Variants in MUC5B observed in about 807,000 individuals in gnomAD.
MUC5B encodes mucin 5B, oligomeric mucus/gel-forming.
Under a neutral mutation model 376.9 loss-of-function variants are expected in MUC5B, and 116 were observed. The observed-to-expected ratio is 0.31, with a 90% CI of 0.26 to 0.36. MUC5B has a LOEUF of 0.36. MUC5B is among the 10% of genes least tolerant of loss of function. The pLI, the probability that MUC5B is intolerant of heterozygous loss-of-function variation, is 1.00. For missense variants in MUC5B, 7,165 were observed against 7,769.9 expected (o/e 0.92, Z 2.93); for synonymous variants, 3,517 against 3,390.9 (o/e 1.04, Z -1.29).
chr11:1,242,567 C>T lies in MUC5B; in HGVS notation c.5687C>T (p.Thr1896Met), dbSNP rs147103997. 3.8e-5 allele frequency: 61 copies of T among 1,613,688 alleles called. No homozygotes were observed. In the African/African-American group the frequency reaches 4.9e-4, roughly 13 times the overall value. The change falls in exon 31 of 49, where the codon ACG (threonine) becomes ATG (methionine). Residue 1896 changes from threonine (T) to methionine (M), a missense_variant. This residue lies in a region of MUC5B where 897 missense variants were observed against 779.6 expected (regional missense o/e 1.15). Transcript: ENST00000529681. ...ACCCCAGCCACCAGCTCCACGGCCA[C>T]GCCCTCCTCAACTCCGGGGACGACC... ...PSTPATSSTA[T>M]PSSTPGTTWI...
Position 1,229,255 on chromosome 11 carries a change from C to A in MUC5B, c.1062C>A (p.Leu354=). 1 of 1,591,850 alleles carries A rather than the reference C, an allele frequency of 6.3e-7. No homozygotes were observed. Residue 354 remains leucine (L), a synonymous_variant, in exon 9 of 49, where the codon CTC becomes CTA. Transcript: ENST00000529681. The part of the protein sequence containing the change: ...DTCSNPQRAQ[L]CEDHCVDGCF... ...GCTCCAACCCCCAGCGCGCGCAGCT[C>A]TGCGAGGACCACTGTGTGGACGGCT...
At position 1,241,868 on chromosome 11, in the gene MUC5B, C is replaced by T. The variant is rs1028086344; in HGVS notation, c.4988C>T (p.Thr1663Ile). ...LSEGLTSPRY[T>I]STLGTATTGG... ...GAAGGACTGACATCCCCCAGATACA[C>T]AAGCACCCTTGGTACAGCCACCACG... The change falls in exon 31 of 49, where the codon ACA (threonine) becomes ATA (isoleucine). Residue 1663 changes from threonine to isoleucine, a missense_variant. Thr to Ile is a moderately conservative substitution (Grantham distance 89, BLOSUM62 -1). This residue lies in a region of MUC5B where 897 missense variants were observed against 779.6 expected (regional missense o/e 1.15). Transcript: ENST00000529681. 7 of 1,613,256 alleles carry T rather than the reference C, an allele frequency of 4.3e-6. No homozygotes were observed. The highest frequency in any genetic ancestry group is 5.9e-6 in the Non-Finnish European group (7 of 1,179,672).
At position 1,239,929 on chromosome 11, in the gene MUC5B, G is replaced by A; in HGVS notation, c.3714G>A (p.Glu1238=). 4 of 1,613,248 alleles carry A rather than the reference G, an allele frequency of 2.5e-6. No homozygotes were observed. The South Asian group carries it at 4.4e-5, about 18-fold the overall frequency. ...YDVGARVPTA[E]NCQSCNCTPS... Reference sequence around the variant, plus strand: ...TCGGTGCAAGGGTCCCCACAGCGGAGAACTGCCAGAGCTGGTGAGGGGGTG... The same window carrying A: ...TCGGTGCAAGGGTCCCCACAGCGGAAAACTGCCAGAGCTGGTGAGGGGGTG... Residue 1238 remains glutamate, a synonymous_variant, in exon 28 of 49, where the codon GAG becomes GAA. Transcript: ENST00000529681.
At chr11:1,226,995 A>G (rs1429217751) in intron 4 of MUC5B, 36 bp from the exon 5 acceptor site, 1 of 1,587,332 alleles carries the variant, frequency 6.3e-7, no homozygotes, top group African/African-American at 1.3e-5. Flanking sequence ...CAGCCAGGAG[A>G]GCGGGGCCCA....
At position 1,254,345 on chromosome 11, in the gene MUC5B, G is replaced by C. The variant is rs1862777769; in HGVS notation, c.15471G>C (p.Glu5157Asp). 8 of 1,601,712 alleles carry C rather than the reference G, an allele frequency of 5.0e-6. No individual in the cohort carries two copies. The highest frequency in any genetic ancestry group is 1.3e-5 in the African/African-American group (1 of 74,940). The change falls in exon 34 of 49, where the codon GAG (glutamate) becomes GAC (aspartate). Residue 5157 changes from glutamate to aspartate, a missense_variant. Around this residue, in one of 31 missense-constraint regions of MUC5B, gnomAD observed 842 missense variants for 1,016.9 expected, o/e 0.83. Transcript: ENST00000529681. ...TCACCATGGTGCATGGGAAGGAGGA[G>C]GGCCTGGTGAGTCCAGGCTGCGGGT... The part of the protein sequence containing the change: ...LTVTMVHGKE[E>D]GLILFDQIPV...
rs1420286486 is a variant in MUC5B at position 1,254,162 on chromosome 11, C to G, written c.15288C>G (p.Asn5096Lys). Reference sequence around the variant, plus strand: ...GCACCTCTTACACCTTCCGGGGCAACTGCACCTATGTCCTCATGAGAGAGA... The same window carrying G: ...GCACCTCTTACACCTTCCGGGGCAAGTGCACCTATGTCCTCATGAGAGAGA... ...FDGTSYTFRGNCTYVLMREIH... is the reference protein window; with the variant it reads ...FDGTSYTFRGKCTYVLMREIH... Residue 5096 changes from asparagine (N) to lysine (K), a missense_variant, in exon 34 of 49, where the codon AAC (asparagine) becomes AAG (lysine). Around this residue, in one of 31 missense-constraint regions of MUC5B, gnomAD observed 842 missense variants for 1,016.9 expected, o/e 0.83. Transcript: ENST00000529681. 3 of 1,612,998 alleles carry G rather than the reference C, an allele frequency of 1.9e-6. No individual in the cohort carries two copies. Among genetic ancestry groups the G allele is most frequent in the Non-Finnish European group, 2.5e-6 (3 of 1,179,858 alleles).
At position 1,227,691 on chromosome 11, in the gene MUC5B, G is replaced by T; in HGVS notation, c.684G>T (p.Pro228=). ...EFYAHNARLT[P]LQFGNLQKLD... Reference sequence around the variant, plus strand: ...TCCCGGCAGACGCCAGGCTGACCCCGCTCCAGTTTGGGAACCTGCAGAAGT... The same window carrying T: ...TCCCGGCAGACGCCAGGCTGACCCCTCTCCAGTTTGGGAACCTGCAGAAGT... Residue 228 remains proline (P), a synonymous_variant, in exon 7 of 49, where the codon CCG becomes CCT. Coordinates refer to ENST00000529681, the MANE Select transcript of MUC5B (RefSeq NM_002458.3). 1 of 721,954 alleles carries T rather than the reference G, an allele frequency of 1.4e-6. No individual in the cohort carries two copies. Among genetic ancestry groups the T allele is most frequent in the Non-Finnish European group, 2.6e-6 (1 of 387,666 alleles). The allele number at this position is 721,954 out of a possible 1,614,324, so 44.7% of individuals were successfully genotyped here.
At position 1,258,496 on chromosome 11, in the gene MUC5B, T is replaced by A; in HGVS notation, c.16593+129T>A. 8.9e-7 allele frequency: 1 copy of A among 1,120,982 alleles called. No individual in the cohort carries two copies. The highest frequency in any genetic ancestry group is 1.3e-6 in the Non-Finnish European group (1 of 793,880). 69.4% of individuals were successfully genotyped at this position (1,120,982 alleles called of 1,614,324 possible). A position where few individuals can be genotyped will look rare whatever the true frequency, so the allele number is the denominator to read the frequency against. ...TGAGGGCCGATCCGCACAGGGGCCCTGGACACGTCAGAGCTGGGACATGCT... is the reference window on the plus strand; with the variant it reads ...TGAGGGCCGATCCGCACAGGGGCCCAGGACACGTCAGAGCTGGGACATGCT... On this transcript the variant is annotated intron_variant, in intron 43 of 48. Transcript: ENST00000529681. The surrounding 1 kb of genome is among the most constrained non-coding windows in gnomAD (Gnocchi z 5.5).
Position 1,249,844 on chromosome 11 carries a change from A to G in MUC5B, c.12964A>G (p.Ser4322Gly), listed in dbSNP as rs1862618221. Reference sequence around the variant, plus strand: ...CACAGCCACCAAATCCACAGCTACCAGCGTTACACCCATCCCCTCCTCCAC... The same window carrying G: ...CACAGCCACCAAATCCACAGCTACCGGCGTTACACCCATCCCCTCCTCCAC... ...TSTATKSTATSVTPIPSSTLG... is the reference protein window; with the variant it reads ...TSTATKSTATGVTPIPSSTLG... Residue 4322 changes from serine to glycine, a missense_variant, in exon 31 of 49, where the codon AGC becomes GGC. By Grantham distance (56) the Ser-to-Gly change is moderately conservative. Transcript: ENST00000529681. 1 of 1,613,400 alleles carries G rather than the reference A, an allele frequency of 6.2e-7. No individual in the cohort carries two copies. The highest frequency in any genetic ancestry group is 1.3e-5 in the African/African-American group (1 of 74,802).
chr11:1,230,734 C>T (rs1345504999), intron 12 of MUC5B, 134 bp downstream of exon 12: 2 of 921,408 alleles, frequency 2.2e-6, no homozygotes, highest in East Asian at 5.3e-5. Flanking sequence ...GGTCCCCCTC[C>T]AGCCCCCAGG....
In MUC5B at chr11:1,249,081, C is replaced by T; in HGVS notation, c.12201C>T (p.Ser4067=). ...GTTQHSTPAL[S]SPHPSSRTTE... ...CCCAGCACTCGACTCCAGCCCTGTC[C>T]AGCCCTCACCCTAGCAGCAGGACCA... Residue 4067 remains serine, a synonymous_variant, in exon 31 of 49, where the codon TCC becomes TCT. Transcript: ENST00000529681. 6.2e-7 allele frequency: 1 copy of T among 1,610,976 alleles called. No individual in the cohort carries two copies. The highest frequency in any genetic ancestry group is 1.1e-5 in the South Asian group (1 of 90,880).
Position 1,253,072 on chromosome 11 carries a change from A to G in MUC5B, c.15217+92A>G. Reference sequence around the variant, plus strand: ...CTGGCAGAATGGGGCATGGTGGGGCACAGTGGGGTGCAGTGGGGAATGGTG... The same window carrying G: ...CTGGCAGAATGGGGCATGGTGGGGCGCAGTGGGGTGCAGTGGGGAATGGTG... On this transcript the variant is annotated intron_variant, in intron 33 of 48. Coordinates refer to ENST00000529681, the MANE Select transcript of MUC5B (RefSeq NM_002458.3). This position sits in a 1 kb window ranked among gnomAD's most constrained non-coding sequence, Gnocchi z 4.3. 7.4e-7 allele frequency: 1 copy of G among 1,355,700 alleles called. No individual in the cohort carries two copies. Among genetic ancestry groups the G allele is most frequent in the Non-Finnish European group, 1.0e-6 (1 of 994,540 alleles). 84.0% of individuals were successfully genotyped at this position (1,355,700 alleles called of 1,614,324 possible).
Position 1,255,028 on chromosome 11 carries a change from C to A in MUC5B, c.15665-13C>A. 5 of 1,576,748 alleles carry A rather than the reference C, an allele frequency of 3.2e-6. No individual in the cohort carries two copies. Among genetic ancestry groups the A allele is most frequent in the Non-Finnish European group, 4.3e-6 (5 of 1,161,960 alleles). On this transcript the variant is annotated splice_polypyrimidine_tract_variant and intron_variant, in intron 35 of 48. Coordinates refer to ENST00000529681, the MANE Select transcript of MUC5B (RefSeq NM_002458.3). ...CCCAGATTCCAGCCCCGCGGTGACG[C>A]CCCCACTCCCAGGCACCTGCACCAA... is the stretch of plus-strand genomic sequence containing the variant.
In MUC5B at chr11:1,241,596, C is replaced by T. The variant is rs375991426; in HGVS notation, c.4716C>T (p.Phe1572=). 36 of 1,612,168 alleles carry T rather than the reference C, an allele frequency of 2.2e-5. No homozygotes were observed. Among genetic ancestry groups the T allele is most frequent in the African/African-American group, 5.3e-5 (4 of 74,884 alleles). ...VGQKVHCDVH[F]GLVCRNWEQE... is the part of the protein sequence containing the mutation. ...AGAAGGTGCACTGTGACGTCCACTTCGGCCTGGTGTGCAGGAACTGGGAGC... is the reference window on the plus strand; with the variant it reads ...AGAAGGTGCACTGTGACGTCCACTTTGGCCTGGTGTGCAGGAACTGGGAGC... Residue 1572 remains phenylalanine (F), a synonymous_variant, in exon 31 of 49, where the codon TTC becomes TTT. Transcript: ENST00000529681.
chr11:1,248,378 C>A lies in MUC5B; in HGVS notation c.11498C>A (p.Thr3833Asn), dbSNP rs201154077. The stretch of plus-strand genomic sequence containing the variant: ...TCCTCCACTCCAGAGACTGCCCACA[C>A]CTCCACAGTGCTTACCACCACGGCC... Reference protein sequence around the residue: ...TPSSTPETAHTSTVLTTTATT... With the variant: ...TPSSTPETAHNSTVLTTTATT... Residue 3833 changes from threonine to asparagine, a missense_variant, in exon 31 of 49, where the codon ACC (threonine) becomes AAC (asparagine). Thr to Asn is a moderately conservative substitution (Grantham distance 65). Coordinates refer to ENST00000529681, the MANE Select transcript of MUC5B (RefSeq NM_002458.3). 51 of 1,612,848 alleles carry A rather than the reference C, an allele frequency of 3.2e-5. 1 individual carries two copies. In the African/African-American group the frequency reaches 6.6e-4, roughly 21 times the overall value.
chr11:1,241,927 C>T lies in MUC5B; in HGVS notation c.5047C>T (p.Pro1683Ser), dbSNP rs377141943. The T allele has an allele frequency of 1.9e-5, 30 of 1,608,790 alleles. No homozygotes were observed. In the African/African-American group the frequency reaches 3.6e-4, roughly 19 times the overall value. Residue 1683 changes from proline (P) to serine (S), a missense_variant, in exon 31 of 49, where the codon CCC becomes TCC. Around this residue, in one of 31 missense-constraint regions of MUC5B, gnomAD observed 897 missense variants for 779.6 expected, o/e 1.15. Coordinates refer to ENST00000529681, the MANE Select transcript of MUC5B (RefSeq NM_002458.3). The part of the protein sequence containing the change: ...GPTTPAGSTE[P>S]TVPGVATSTL... ...CACGACGCCTGCAGGCTCCACAGAA[C>T]CCACTGTCCCAGGGGTGGCCACATC...
At chr11:1,240,013 A>C (rs760309517) in intron 28 of MUC5B, 32 bp from the exon 29 acceptor site, 45 of 1,594,766 alleles carry the variant, frequency 2.8e-5, no homozygotes, top group Non-Finnish European at 3.8e-5. Flanking sequence ...GCTGCCCCCC[A>C]GGCCCTCAGC....
Position 1,252,378 on chromosome 11 carries a change from T to G in MUC5B, c.14899T>G (p.Cys4967Gly). ...CTACAATAAGACCGACCGAGCCGGC[T>G]GCCATTTCTACGCAGTGTGCAATCA... is the stretch of plus-strand genomic sequence containing the variant. Reference protein sequence around the residue: ...VIYNKTDRAGCHFYAVCNQHC... With the variant: ...VIYNKTDRAGGHFYAVCNQHC... The change falls in exon 32 of 49, where the codon TGC (cysteine) becomes GGC (glycine). Residue 4967 changes from cysteine (C) to glycine (G), a missense_variant. By Grantham distance (159) the Cys-to-Gly change is radical. Around this residue, in one of 31 missense-constraint regions of MUC5B, gnomAD observed 730 missense variants for 592.7 expected, o/e 1.23. Transcript: ENST00000529681. The G allele has an allele frequency of 6.3e-7, 1 of 1,588,730 alleles. No individual in the cohort carries two copies. The highest frequency in any genetic ancestry group is 8.6e-7 in the Non-Finnish European group (1 of 1,167,830).
intron 7 of MUC5B, 40 bp downstream of exon 7, chr11:1,227,821 C>T (rs1342428456): frequency 1.5e-6 from 1 of 687,318 alleles, no homozygotes; most frequent in East Asian, 2.7e-5. Context: ...GCAGGGACGG[C>T]CTCCAGGTCC....
Sources: gnomAD v4.1 joint callset for allele counts on GRCh38, gnomAD v4.1.1 for gene constraint, gnomAD v4.1.1 regional missense constraint, Gnocchi (gnomAD v3.1) non-coding constraint, MANE v1.5 for transcripts, NCBI Gene and HGNC (gene_info 2026-07-23, HGNC 2026-07-21) for gene names.